Variants in RHOG observed in about 807,000 individuals in gnomAD.
RHOG encodes ras homolog family member G.
In RHOG, 1 loss-of-function variant was observed where a neutral mutation model predicts 12.3. The observed-to-expected ratio is 0.08, with a 90% CI of 0.03 to 0.39. The LOEUF is 0.39. Ranked by LOEUF, RHOG falls within the 10% of genes least tolerant of loss-of-function variation. RHOG has a pLI of 0.99. For synonymous variants in RHOG, 129 were observed against 116.0 expected (o/e 1.11, Z -0.72); for missense variants, 114 against 266.2 (o/e 0.43, Z 3.98).
intron 1 of RHOG, among the ~76,000 whole-genome samples, chr11:3,829,801 T>C (rs2090115229): frequency 6.6e-6 from 1 of 151,700 alleles, no homozygotes; most frequent in African/African-American, 2.4e-5. Context: ...GGCTGGAGTG[T>C]AGTGGCGCAA....
intron 1 of RHOG, among the ~76,000 whole-genome samples, chr11:3,833,577 C>T (rs1382633510): frequency 6.6e-6 from 1 of 152,204 alleles, no homozygotes; most frequent in Non-Finnish European, 1.5e-5. Context: ...CTAGTTCTGC[C>T]TCTTACCAGC....
intron 1 of RHOG, among the ~76,000 whole-genome samples, chr11:3,835,044 C>T (rs1230373004): frequency 1.3e-5 from 2 of 152,154 alleles, no homozygotes; most frequent in African/African-American, 4.8e-5. Flanking sequence ...GTAAATTATC[C>T]AAGTCAGAAG....
intron 1 of RHOG, among the ~76,000 whole-genome samples, chr11:3,834,288 C>T (rs756325468): frequency 6.6e-6 from 1 of 152,182 alleles, no homozygotes; most frequent in Non-Finnish European, 1.5e-5. Flanking sequence ...ACGTAAGTTT[C>T]CCAGCTGTAC....
intron 1 of RHOG, among the ~76,000 whole-genome samples, chr11:3,829,248 A>ATTT (rs141026499): frequency 1.1e-5 from 1 of 95,172 alleles, no homozygotes; most frequent in African/African-American, 4.1e-5. Flanking sequence ...GCAATGGGGA[A>ATTT]ATTTTTTTTT....
intron 1 of RHOG, among the ~76,000 whole-genome samples, chr11:3,836,357 CAAA>C (rs61427960): frequency 0.09 from 10,750 of 119,538 alleles, 1,258 homozygotes; most frequent in African/African-American, 0.29. Context: ...ACTCCATCTC[CAAA>C]AAAAAAAAAA....
chr11:3,828,806 G>T (rs569481768), intron 1 of RHOG, among the ~76,000 whole-genome samples: 10 of 151,676 alleles, frequency 6.6e-5, no homozygotes, highest in East Asian at 1.9e-4. Flanking sequence ...ATTTTTAGTA[G>T]AGATGGGGTT....
chr11:3,828,314 C>CACT (rs1333844400), intron 1 of RHOG, 108 bp from the exon 2 acceptor site: 5 of 614,916 alleles, frequency 8.1e-6, no homozygotes, highest in Non-Finnish European at 1.4e-5. Context: ...CTTAACCTGA[C>CACT]ACTATCCCAA....
chr11:3,837,549 C>T (rs1183535014), intron 1 of RHOG, among the ~76,000 whole-genome samples: 1 of 152,206 alleles, frequency 6.6e-6, no homozygotes, highest in Admixed American at 6.5e-5. Context: ...ATGATGTTCA[C>T]TGTTGCCTTT....
chr11:3,830,988 C>G (rs2090124392), intron 1 of RHOG, among the ~76,000 whole-genome samples: 1 of 152,096 alleles, frequency 6.6e-6, no homozygotes, highest in Non-Finnish European at 1.5e-5. Context: ...GACTGTCTCC[C>G]ACAACCAGGG....
chr11:3,834,833 A>T (rs1257612832), intron 1 of RHOG, among the ~76,000 whole-genome samples: 1 of 152,090 alleles, frequency 6.6e-6, no homozygotes, highest in Admixed American at 6.5e-5. Context: ...GGTGATGGGA[A>T]CTTACCTCAG....
chr11:3,835,726 G>A (rs767837791), intron 1 of RHOG, among the ~76,000 whole-genome samples: 2 of 152,188 alleles, frequency 1.3e-5, no homozygotes, highest in Non-Finnish European at 2.9e-5. Context: ...TGAGGAAGAT[G>A]GGAAGGAAAA....
At chr11:3,830,031 G>A (rs1205350566) in intron 1 of RHOG, among the ~76,000 whole-genome samples, 2 of 152,210 alleles carry the variant, frequency 1.3e-5, no homozygotes, top group East Asian at 1.9e-4. Context: ...ACAGGCATGA[G>A]CCACCATGCC....
At chr11:3,835,769 C>T (rs1006728376) in intron 1 of RHOG, among the ~76,000 whole-genome samples, 6 of 152,152 alleles carry the variant, frequency 3.9e-5, no homozygotes, top group African/African-American at 9.7e-5. Context: ...TGGGAATATC[C>T]GAGGACCCTT....
intron 1 of RHOG, among the ~76,000 whole-genome samples, chr11:3,828,473 A>G (rs2090103056): frequency 6.6e-6 from 1 of 152,164 alleles, no homozygotes; most frequent in Non-Finnish European, 1.5e-5. Flanking sequence ...TAGCTGTGTA[A>G]CCCTGAAAAA....
chr11:3,828,677 G>A (rs570553581), intron 1 of RHOG, among the ~76,000 whole-genome samples: 45 of 144,264 alleles, frequency 3.1e-4, no homozygotes, highest in Non-Finnish European at 5.2e-4. Flanking sequence ...AGGCTGGAGT[G>A]CAGTGGCGTC....
chr11:3,828,005 G>A lies in RHOG; in HGVS notation c.134C>T (p.Ala45Val). 6.2e-7 allele frequency: 1 copy of A among 1,614,296 alleles called. No individual in the cohort carries two copies. Among genetic ancestry groups the A allele is most frequent in the Non-Finnish European group, 8.5e-7 (1 of 1,180,050 alleles). The change falls in exon 2 of 2, where the codon GCA becomes GTA. Residue 45 changes from alanine (A) to valine (V), a missense_variant. Around this residue, in one of 2 missense-constraint regions of RHOG, gnomAD observed 53 missense variants for 164.8 expected, o/e 0.32. Coordinates refer to ENST00000351018, the MANE Select transcript of RHOG (RefSeq NM_001665.4). Reference protein sequence around the residue: ...TVFDNYSAQSAVDGRTVNLNL... With the variant: ...TVFDNYSAQSVVDGRTVNLNL... ...CAGGTTCACTGTGCGCCCGTCAACT[G>A]CGCTCTGCGCGCTGTAATTGTCGAA...
At position 3,828,147 on chromosome 11, in the gene RHOG, C is replaced by A. The variant is rs758182032; in HGVS notation, c.-9G>T. 6 of 1,609,086 alleles carry A rather than the reference C, an allele frequency of 3.7e-6. No homozygotes were observed. Among genetic ancestry groups the A allele is most frequent in the Non-Finnish European group, 4.3e-6 (5 of 1,176,330 alleles). On this transcript the variant is annotated 5_prime_UTR_variant, in exon 2 of 2. Coordinates refer to ENST00000351018, the MANE Select transcript of RHOG (RefSeq NM_001665.4). ...CACTTGATGCTCTGCATCGTGGGTG[C>A]AGTTGCTGTAGTGGAGGCAGTGCCT...
At chr11:3,829,614 A>G (rs2090113988) in intron 1 of RHOG, among the ~76,000 whole-genome samples, 1 of 152,018 alleles carries the variant, frequency 6.6e-6, no homozygotes, top group Admixed American at 6.6e-5. Flanking sequence ...TTGCCAATTC[A>G]ATGCAGGGGA....
At chr11:3,832,817 G>A (rs958542846) in intron 1 of RHOG, among the ~76,000 whole-genome samples, 9 of 152,208 alleles carry the variant, frequency 5.9e-5, no homozygotes, top group Non-Finnish European at 1.3e-4. Flanking sequence ...TGTCAGTGCT[G>A]CAGGACACCA....
Sources: allele counts gnomAD v4.1 joint callset (sites outside exome capture counted in the v4.1 genomes callset), GRCh38; gene constraint gnomAD v4.1.1; regional missense constraint gnomAD v4.1.1; transcripts MANE v1.5; gene names NCBI Gene and HGNC (gene_info 2026-07-23, HGNC 2026-07-21).